CSMD3: variants seen among roughly 807,000 people sequenced by gnomAD.
CSMD3 encodes CUB and Sushi multiple domains 3.
A neutral mutation model predicts 435.2 loss-of-function variants in CSMD3; 177 were observed. The ratio of observed to expected loss-of-function variants is 0.41; its 90% CI spans 0.36 to 0.46. The LOEUF is 0.46. CSMD3 is among the 20% of genes least tolerant of loss of function. CSMD3 has a pLI of 0.34. For synonymous variants in CSMD3, 1,656 were observed against 1,520.5 expected, an observed-to-expected ratio of 1.09 and a Z score of -2.07; for missense variants, 4,265 against 4,504.6, an observed-to-expected ratio of 0.95 and a Z score of 1.52.
intron 3 of CSMD3, among the ~76,000 whole-genome samples, chr8:113,274,886 G>A (rs1473380359): frequency 1.3e-5 from 2 of 151,328 alleles, no homozygotes; most frequent in African/African-American, 4.9e-5. Context: ...GAGGGAGGGA[G>A]GGAGGGAGGC....
intron 1 of CSMD3, among the ~76,000 whole-genome samples, chr8:113,389,379 G>A (rs1269919898): frequency 4.6e-5 from 7 of 151,520 alleles, no homozygotes; most frequent in African/African-American, 1.7e-4. Flanking sequence ...CCCTCAGTTT[G>A]CTCTCTTTAT....
intron 1 of CSMD3, among the ~76,000 whole-genome samples, chr8:113,394,574 T>C (rs1239569511): frequency 6.6e-6 from 1 of 152,120 alleles, no homozygotes; most frequent in Non-Finnish European, 1.5e-5. Flanking sequence ...TGAAAATTTT[T>C]ACCTCTTCAC....
intron 9 of CSMD3, among the ~76,000 whole-genome samples, chr8:112,926,051 C>G (rs1403515054): frequency 1.3e-5 from 2 of 152,162 alleles, no homozygotes; most frequent in African/African-American, 2.4e-5. Context: ...TCAACATATT[C>G]TAGACCAAAA....
At chr8:113,161,169 G>A (rs1040316736) in intron 4 of CSMD3, among the ~76,000 whole-genome samples, 1 of 152,120 alleles carries the variant, frequency 6.6e-6, no homozygotes, top group African/African-American at 2.4e-5. Flanking sequence ...ATCTAAGTCA[G>A]TGATGATAGA....
At chr8:113,014,004 T>C (rs765992676) in intron 6 of CSMD3, among the ~76,000 whole-genome samples, 46 of 152,222 alleles carry the variant, frequency 3.0e-4, no homozygotes, top group South Asian at 1.0e-3. Context: ...ATTGCAAGGT[T>C]GTTGATTTTT....
At chr8:112,862,679 C>T (rs1564035464) in intron 10 of CSMD3, among the ~76,000 whole-genome samples, 1 of 151,954 alleles carries the variant, frequency 6.6e-6, no homozygotes, top group Non-Finnish European at 1.5e-5. Flanking sequence ...ATCTCAGTGG[C>T]TTACAACAAT....
At position 113,393,659 on chromosome 8, in the gene CSMD3, T is replaced by G. The variant is rs555469631; in HGVS notation, c.178+43018A>C. Among the ~76,000 whole-genome samples the G allele has an allele frequency of 5.3e-5, 8 of 152,196 alleles. No homozygotes were observed. In the South Asian group the frequency reaches 6.2e-4, roughly 12 times the overall value. ...TAGTTTCACCGGTGGTACAATTTTG[T>G]GTAGTTCCAAGGTTAACAAACACAA... On this transcript the variant is annotated intron_variant, in intron 1 of 70. Transcript: ENST00000297405.
Position 113,394,943 on chromosome 8 carries a change from G to A in CSMD3, c.178+41734C>T, listed in dbSNP as rs139555006. 6.5e-4 allele frequency among the ~76,000 whole-genome samples: 99 copies of A among 152,216 alleles called. 1 individual carries two copies. In the East Asian group the frequency reaches 0.011, roughly 17 times the overall value. ...GAATTTGAAGGTGAGAAGAGGAAGT[G>A]TTACAACAAATAGAGAAAAATCAAG... On this transcript the variant is annotated intron_variant, in intron 1 of 70. Coordinates refer to ENST00000297405, the MANE Select transcript of CSMD3 (RefSeq NM_198123.2).
intron 4 of CSMD3, among the ~76,000 whole-genome samples, chr8:113,130,243 A>C (rs2131678214): frequency 6.6e-6 from 1 of 152,234 alleles, no homozygotes; most frequent in South Asian, 2.1e-4. Context: ...GATCAATAGG[A>C]CTTTGTCAAA....
intron 31 of CSMD3, among the ~76,000 whole-genome samples, chr8:112,479,278 T>G (rs1819392176): frequency 6.6e-6 from 1 of 152,128 alleles, no homozygotes; most frequent in South Asian, 2.1e-4. Context: ...AGTTGGAGCT[T>G]ATATTTAGAA....
rs1812381598 is a variant in CSMD3 at position 112,224,312 on chromosome 8, T to C, written c.*459A>G. ...AGAATGAATGGCAGATAGAGTGGTATGAAAGACAGATTTGTGGGCGTGATG... is the reference window on the plus strand; with the variant it reads ...AGAATGAATGGCAGATAGAGTGGTACGAAAGACAGATTTGTGGGCGTGATG... On this transcript the variant is annotated 3_prime_UTR_variant, in exon 71 of 71. Transcript: ENST00000297405. The C allele has an allele frequency of 5.9e-6, 1 of 168,336 alleles. No homozygotes were observed. The allele number at this position is 168,336 out of a possible 1,614,324, so 10.4% of individuals were successfully genotyped here. A position where few individuals can be genotyped will look rare whatever the true frequency, so the allele number is the denominator to read the frequency against.
At chr8:112,870,046 T>A (rs1276718244) in intron 10 of CSMD3, among the ~76,000 whole-genome samples, 1 of 152,204 alleles carries the variant, frequency 6.6e-6, no homozygotes, top group Non-Finnish European at 1.5e-5. Flanking sequence ...TTAAAAATTT[T>A]AAAAATTTGT....
chr8:112,265,366 T>G lies in CSMD3; in HGVS notation c.9688+45A>C, dbSNP rs751356906. On this transcript the variant is annotated intron_variant, in intron 60 of 70. Transcript: ENST00000297405. ...ATTTGTATATAAAAATAAGAAAATA[T>G]GTACTGGTTACCATTTTTAAATGTT... is the stretch of plus-strand genomic sequence containing the variant. The G allele has an allele frequency of 3.5e-6, 5 of 1,420,288 alleles. No individual in the cohort carries two copies. The African/African-American group carries it at 7.0e-5, about 20-fold the overall frequency. 88.0% of individuals were successfully genotyped at this position (1,420,288 alleles called of 1,614,324 possible).
intron 3 of CSMD3, among the ~76,000 whole-genome samples, chr8:113,191,191 T>C (rs900984799): frequency 2.0e-5 from 3 of 151,824 alleles, no homozygotes; most frequent in African/African-American, 7.2e-5. Context: ...TGGGCATACA[T>C]GTTCATACCA....
intron 38 of CSMD3, among the ~76,000 whole-genome samples, chr8:112,362,866 C>T (rs958119657): frequency 2.0e-5 from 3 of 151,846 alleles, no homozygotes; most frequent in South Asian, 2.1e-4. Context: ...ACATATTAAA[C>T]GAATGGAGTT....
Position 112,525,776 on chromosome 8 carries a change from A to ATG in CSMD3, c.4565-8553_4565-8552dup, listed in dbSNP as rs577823125. Among the ~76,000 whole-genome samples, 567 of 140,192 alleles carry ATG rather than the reference A, an allele frequency of 4.0e-3. 1 individual carries two copies. Among genetic ancestry groups the ATG allele is most frequent in the African/African-American group, 0.011 (416 of 37,692 alleles). The allele number at this position is 140,192 out of a possible 152,430, so 92.0% of individuals were successfully genotyped here. ...CATATATATATATATATATATTTATATGTGTGTGTATATATATATGTATAT... is the reference window on the plus strand; with the variant it reads ...CATATATATATATATATATATTTATATGTGTGTGTGTATATATATATGTATAT... On this transcript the variant is annotated intron_variant, in intron 27 of 70. Coordinates refer to ENST00000297405, the MANE Select transcript of CSMD3 (RefSeq NM_198123.2).
At chr8:112,890,707 G>A (rs556090827) in intron 10 of CSMD3, among the ~76,000 whole-genome samples, 1 of 151,738 alleles carries the variant, frequency 6.6e-6, no homozygotes, top group Non-Finnish European at 1.5e-5. Context: ...ACTAATATGC[G>A]ACTTTCATAG....
intron 23 of CSMD3, among the ~76,000 whole-genome samples, chr8:112,579,056 G>C (rs1830152029): frequency 6.6e-6 from 1 of 151,938 alleles, no homozygotes; most frequent in Non-Finnish European, 1.5e-5. Flanking sequence ...TGACAAACAA[G>C]AGTATTTCCT....
chr8:113,331,626 A>G (rs1476742575), intron 1 of CSMD3, among the ~76,000 whole-genome samples: 1 of 151,808 alleles, frequency 6.6e-6, no homozygotes, highest in Non-Finnish European at 1.5e-5. Context: ...GCTAAACCTA[A>G]CATTCTGAAA....
Sources: allele counts gnomAD v4.1 joint callset (sites outside exome capture counted in the v4.1 genomes callset), GRCh38; gene constraint gnomAD v4.1.1; transcripts MANE v1.5; gene names NCBI Gene and HGNC (gene_info 2026-07-23, HGNC 2026-07-21).